The following GALNT18 variants were observed in gnomAD, a reference collection of about 807,000 sequenced individuals.
The protein encoded by GALNT18 is GalNAc-transferase 18.
Under a neutral mutation model 69.5 loss-of-function variants are expected in GALNT18, and 44 were observed. The observed-to-expected ratio is 0.63, with a 90% CI of 0.50 to 0.81. The LOEUF is 0.81. Among genes scored for constraint, GALNT18 ranks in the 40% least tolerant of loss-of-function variants. The pLI is 0.00. For missense variants in GALNT18, 715 were observed against 810.0 expected, an observed-to-expected ratio of 0.88 and a Z score of 1.42; for synonymous variants, 364 against 318.2, an observed-to-expected ratio of 1.14 and a Z score of -1.53.
chr11:11,509,703 A>G (rs1857132240), intron 1 of GALNT18, among the ~76,000 whole-genome samples: 1 of 152,256 alleles, frequency 6.6e-6, no homozygotes, highest in Non-Finnish European at 1.5e-5. Context: ...TAGAGGCCTC[A>G]GCCCTTTGTG....
chr11:11,536,398 C>A (rs532819986), intron 1 of GALNT18, among the ~76,000 whole-genome samples: 2 of 152,262 alleles, frequency 1.3e-5, no homozygotes, highest in South Asian at 4.2e-4. Flanking sequence ...TGCTCTAAAG[C>A]CCCAGTGCTA....
intron 6 of GALNT18, among the ~76,000 whole-genome samples, chr11:11,359,631 G>A (rs554471686): frequency 7.9e-5 from 12 of 152,266 alleles, no homozygotes; most frequent in African/African-American, 2.9e-4. Context: ...AGGACATTGT[G>A]TAGTATCATC....
chr11:11,282,888 C>T (rs935630747), intron 10 of GALNT18, among the ~76,000 whole-genome samples: 4 of 151,660 alleles, frequency 2.6e-5, no homozygotes, highest in African/African-American at 7.3e-5. Context: ...CCAAAGCATG[C>T]GAGAAGGTGA....
intron 3 of GALNT18, among the ~76,000 whole-genome samples, chr11:11,390,994 G>A (rs543252640): frequency 6.6e-6 from 1 of 152,286 alleles, no homozygotes; most frequent in South Asian, 2.1e-4. Context: ...TTCACAGCTG[G>A]TGCCATTACC....
At chr11:11,609,422 A>G (rs1859837062) in intron 1 of GALNT18, among the ~76,000 whole-genome samples, 3 of 152,152 alleles carry the variant, frequency 2.0e-5, no homozygotes, top group Non-Finnish European at 1.5e-5. Context: ...CACAAGGCGC[A>G]CACCTCACCT....
intron 3 of GALNT18, among the ~76,000 whole-genome samples, chr11:11,414,241 C>A (rs2133762372): frequency 6.6e-6 from 1 of 152,340 alleles, no homozygotes; most frequent in Non-Finnish European, 1.5e-5. Flanking sequence ...ACACAGTAGC[C>A]AGAGAGAGCT....
chr11:11,297,274 C>T (rs902557975), intron 9 of GALNT18, among the ~76,000 whole-genome samples: 2 of 152,174 alleles, frequency 1.3e-5, no homozygotes, highest in Non-Finnish European at 2.9e-5. Context: ...CATGTTTTTA[C>T]CTCTTACACT....
chr11:11,342,932 G>A (rs1850235767), intron 6 of GALNT18, among the ~76,000 whole-genome samples: 1 of 152,144 alleles, frequency 6.6e-6, no homozygotes, highest in Non-Finnish European at 1.5e-5. Context: ...AAAATGCCTG[G>A]TGCATAATAA....
intron 10 of GALNT18, among the ~76,000 whole-genome samples, chr11:11,281,561 G>A (rs1220844725): frequency 6.6e-6 from 1 of 152,174 alleles, no homozygotes; most frequent in African/African-American, 2.4e-5. Context: ...AACTCTTGGA[G>A]AAACACGTCC....
Position 11,619,957 on chromosome 11 carries a change from T to A in GALNT18, c.235+1402A>T, listed in dbSNP as rs2133977718. Among the ~76,000 whole-genome samples the A allele has an allele frequency of 6.6e-6, 1 of 152,274 alleles. No individual in the cohort carries two copies. Among genetic ancestry groups the A allele is most frequent in the South Asian group, 2.1e-4 (1 of 4,818 alleles). On this transcript the variant is annotated intron_variant, in intron 1 of 10. Transcript: ENST00000227756. The surrounding 1 kb of genome is among the most constrained non-coding windows in gnomAD (Gnocchi z 4.9). Reference sequence around the variant, plus strand: ...AGTCAGGAAGCACTATGGATGTGGATGCCTCTCCTGCACTCACCTGAACCT... The same window carrying A: ...AGTCAGGAAGCACTATGGATGTGGAAGCCTCTCCTGCACTCACCTGAACCT...
rs758992189 is a variant in GALNT18, at chr11:11,523,482, G to C, written c.236-74546C>G. Among the ~76,000 whole-genome samples, 5 of 152,110 alleles carry C rather than the reference G, an allele frequency of 3.3e-5. No individual in the cohort carries two copies. The highest frequency in any genetic ancestry group is 7.4e-5 in the Non-Finnish European group (5 of 68,026). The stretch of plus-strand genomic sequence containing the variant: ...ATTCTTACACCGTGCCACTTTGGGA[G>C]GCTGAGGCGGGTGGATCATGAGGTC... On this transcript the variant is annotated intron_variant, in intron 1 of 10. Coordinates refer to ENST00000227756, the MANE Select transcript of GALNT18 (RefSeq NM_198516.3). This position sits in a 1 kb window ranked among gnomAD's most constrained non-coding sequence, Gnocchi z 4.3.
chr11:11,293,663 T>A (rs920599400), intron 9 of GALNT18, among the ~76,000 whole-genome samples: 1 of 151,166 alleles, frequency 6.6e-6, no homozygotes, highest in African/African-American at 2.4e-5. Flanking sequence ...TGCCTCCGTC[T>A]CCTGAGTAGC....
intron 6 of GALNT18, among the ~76,000 whole-genome samples, chr11:11,368,894 G>C (rs549003091): frequency 6.6e-6 from 1 of 152,236 alleles, no homozygotes; most frequent in East Asian, 1.9e-4. Flanking sequence ...TCTGTTTTGT[G>C]ATGTTTTTAA....
chr11:11,348,925 T>C (rs1480159677), intron 6 of GALNT18, among the ~76,000 whole-genome samples: 1 of 152,220 alleles, frequency 6.6e-6, no homozygotes, highest in African/African-American at 2.4e-5. Flanking sequence ...AAAGAACAAC[T>C]GTTGATCTTC....
At chr11:11,316,489 T>A (rs1250179997) in intron 9 of GALNT18, among the ~76,000 whole-genome samples, 1 of 152,194 alleles carries the variant, frequency 6.6e-6, no homozygotes, top group Non-Finnish European at 1.5e-5. Context: ...GATGGCTTCG[T>A]GGAATTCATC....
intron 1 of GALNT18, among the ~76,000 whole-genome samples, chr11:11,491,362 C>T (rs925478355): frequency 3.3e-5 from 5 of 152,200 alleles, no homozygotes; most frequent in Admixed American, 1.3e-4. Flanking sequence ...ACTTTCTTCC[C>T]GGGTTCAGAG....
At position 11,382,824 on chromosome 11, in the gene GALNT18, A is replaced by C. The variant is rs1313976049; in HGVS notation, c.596-3560T>G. Among the ~76,000 whole-genome samples, 1 of 152,164 alleles carries C rather than the reference A, an allele frequency of 6.6e-6. No individual in the cohort carries two copies. The highest frequency in any genetic ancestry group is 1.5e-5 in the Non-Finnish European group (1 of 68,032). On this transcript the variant is annotated intron_variant, in intron 3 of 10. Transcript: ENST00000227756. This position sits in a 1 kb window ranked among gnomAD's most constrained non-coding sequence, Gnocchi z 4.3. Reference sequence around the variant, plus strand: ...AAGTGTCTTGGTGGGTTAGGACAGTAGTATAATTGTGGAAGGAAAAGGGAA... The same window carrying C: ...AAGTGTCTTGGTGGGTTAGGACAGTCGTATAATTGTGGAAGGAAAAGGGAA...
rs192849936 is a variant in GALNT18 at position 11,587,704 on chromosome 11, A to T, written c.235+33655T>A. Among the ~76,000 whole-genome samples, 16 of 152,314 alleles carry T rather than the reference A, an allele frequency of 1.1e-4. No individual in the cohort carries two copies. The highest frequency in any genetic ancestry group is 1.6e-4 in the Non-Finnish European group (11 of 68,030). ...TCAAAACCAACCTATAACAAGGAAA[A>T]TTAACAGGCAACATTTCCCCTTGAC... is the stretch of plus-strand genomic sequence containing the variant. On this transcript the variant is annotated intron_variant, in intron 1 of 10. Coordinates refer to ENST00000227756, the MANE Select transcript of GALNT18 (RefSeq NM_198516.3). This position sits in a 1 kb window ranked among gnomAD's most constrained non-coding sequence, Gnocchi z 4.4.
chr11:11,286,056 G>A (rs925216249), intron 10 of GALNT18, among the ~76,000 whole-genome samples: 1 of 152,116 alleles, frequency 6.6e-6, no homozygotes, highest in Admixed American at 6.6e-5. Flanking sequence ...CATCAGCGCT[G>A]CTCTGAGAAT....
Sources: gnomAD v4.1 joint callset for allele counts (sites outside exome capture counted in the v4.1 genomes callset) on GRCh38, gnomAD v4.1.1 for gene constraint, Gnocchi (gnomAD v3.1) non-coding constraint, MANE v1.5 for transcripts, NCBI Gene and HGNC (gene_info 2026-07-23, HGNC 2026-07-21) for gene names.